BEAN1: variants seen among roughly 807,000 people sequenced by gnomAD.
BEAN1 encodes protein BEAN1.
BEAN1 carries 17 observed loss-of-function variants against 17.7 expected under a neutral mutation model. That is an observed-to-expected ratio of 0.96 (90% CI 0.66 to 1.44). The LOEUF (loss-of-function observed/expected upper bound fraction) is 1.44, where lower values mean the gene tolerates loss of function less well. Ranked by LOEUF, BEAN1 falls within the 40% of genes most tolerant of loss-of-function variation. BEAN1 has a pLI of 0.00. For synonymous variants in BEAN1, 142 were observed against 151.8 expected, an observed-to-expected ratio of 0.94 and a Z score of 0.47; for missense variants, 359 against 374.1, an observed-to-expected ratio of 0.96 and a Z score of 0.33.
At chr16:66,453,048 T>A (rs1382133710) in intron 2 of BEAN1, among the ~76,000 whole-genome samples, 1 of 152,152 alleles carries the variant, frequency 6.6e-6, no homozygotes, top group Non-Finnish European at 1.5e-5. Context: ...AAATTTTATC[T>A]TTTCAAAAAA....
chr16:66,442,717 C>A (rs1315625414), intron 2 of BEAN1, among the ~76,000 whole-genome samples: 1 of 152,200 alleles, frequency 6.6e-6, no homozygotes, highest in Non-Finnish European at 1.5e-5. Context: ...ATAACAATAG[C>A]ACCCTTTTGG....
chr16:66,464,372 C>T (rs1458882098), intron 2 of BEAN1, among the ~76,000 whole-genome samples: 7 of 151,844 alleles, frequency 4.6e-5, no homozygotes, highest in African/African-American at 7.2e-5. Context: ...GACAGAGTCT[C>T]GCTCTGTCAC....
chr16:66,467,419 A>G (rs756497147), intron 2 of BEAN1, among the ~76,000 whole-genome samples: 7 of 152,164 alleles, frequency 4.6e-5, no homozygotes, highest in Non-Finnish European at 1.0e-4. Flanking sequence ...TAGGAGAGAG[A>G]ATGAGTACAA....
chr16:66,459,715 C>A (rs1963011140), intron 2 of BEAN1, among the ~76,000 whole-genome samples: 1 of 152,182 alleles, frequency 6.6e-6, no homozygotes, highest in African/African-American at 2.4e-5. Context: ...TTCTCTCCAG[C>A]CTCCTCCTCT....
At chr16:66,463,959 A>G (rs1045288303) in intron 2 of BEAN1, among the ~76,000 whole-genome samples, 3 of 152,092 alleles carry the variant, frequency 2.0e-5, no homozygotes, top group African/African-American at 7.2e-5. Flanking sequence ...CTGTTTCTCA[A>G]CTCTCAATTC....
intron 4 of BEAN1, among the ~76,000 whole-genome samples, chr16:66,478,368 C>G (rs868355053): frequency 2.0e-5 from 3 of 152,316 alleles, no homozygotes; most frequent in Middle Eastern, 6.8e-3. Flanking sequence ...CTTTGGGAGG[C>G]TGAGGTGGGG....
chr16:66,486,007 A>G (rs1964083895), downstream of BEAN1: 1 of 152,234 alleles, frequency 6.6e-6, no homozygotes, highest in Non-Finnish European at 1.5e-5. Context: ...CAGGTATGTC[A>G]TCTCTCTCTG....
chr16:66,444,984 T>C (rs181253113), intron 2 of BEAN1, among the ~76,000 whole-genome samples: 1 of 152,306 alleles, frequency 6.6e-6, no homozygotes, highest in African/African-American at 2.4e-5. Context: ...TCCTCTTCCA[T>C]TCATTTATTC....
intron 3 of BEAN1, among the ~76,000 whole-genome samples, chr16:66,474,575 AG>A (rs1336480257): frequency 4.3e-5 from 2 of 46,566 alleles, no homozygotes. Flanking sequence ...GGAGAGAGGG[AG>A]GGAGAGAGGG....
At chr16:66,470,054 G>A (rs989931330) in intron 3 of BEAN1, 189 bp downstream of exon 3, 6 of 771,320 alleles carry the variant, frequency 7.8e-6, no homozygotes, top group South Asian at 1.9e-5. Flanking sequence ...TGAGAGGCCC[G>A]GATGACTGCT....
In BEAN1 at chr16:66,469,834, G is replaced by A. The variant is rs1334888170; in HGVS notation, c.258G>A (p.Arg86=). 1.3e-6 allele frequency: 2 copies of A among 1,517,416 alleles called. No homozygotes were observed. The highest frequency in any genetic ancestry group is 2.0e-5 in the Admixed American group (1 of 49,528). The allele number at this position is 1,517,416 out of a possible 1,614,324, so 94.0% of individuals were successfully genotyped here. Residue 86 remains arginine (R), a synonymous_variant, in exon 3 of 5, where the codon CGG becomes CGA. Coordinates refer to ENST00000536005, the MANE Select transcript of BEAN1 (RefSeq NM_001178020.3). ...RHHHHHHHHR[R]RRHREYEHGY... ...ACCACCACCATCATCACCACCGCCG[G>A]CGTCGACACCGAGAGTACGAGCACG... is the stretch of plus-strand genomic sequence containing the variant.
At chr16:66,495,119 G>A (rs1036002863), downstream of BEAN1, among the ~76,000 whole-genome samples, 5 of 152,170 alleles carry the variant, frequency 3.3e-5, no homozygotes, top group Non-Finnish European at 5.9e-5. Flanking sequence ...ACCAAGGGGG[G>A]GCCTCAGGCT....
chr16:66,488,612 T>C (rs1226497874), intron 4 of BEAN1, among the ~76,000 whole-genome samples: 4 of 151,232 alleles, frequency 2.6e-5, no homozygotes, highest in Non-Finnish European at 4.4e-5. Context: ...GACAGGAGGA[T>C]TGTTTGAGCC....
At chr16:66,480,563 T>G in intron 4 of BEAN1, 23 bp from the exon 5 acceptor site, 1 of 1,499,858 alleles carries the variant, frequency 6.7e-7, no homozygotes, top group East Asian at 2.5e-5. Flanking sequence ...GGTGGGGCAC[T>G]GAGGGAGCCT....
intron 4 of BEAN1, among the ~76,000 whole-genome samples, chr16:66,487,967 A>G (rs1417497570): frequency 6.6e-6 from 1 of 152,076 alleles, no homozygotes; most frequent in Non-Finnish European, 1.5e-5. Flanking sequence ...ACCAAATCCA[A>G]CTGTTGAAGG....
intron 2 of BEAN1, among the ~76,000 whole-genome samples, chr16:66,463,982 T>C (rs1963177574): frequency 6.6e-6 from 1 of 152,204 alleles, no homozygotes. Context: ...GTCCATTTAT[T>C]TATATGTCTA....
At chr16:66,477,464 A>C in intron 3 of BEAN1, 96 bp from the exon 4 acceptor site, 1 of 1,289,382 alleles carries the variant, frequency 7.8e-7, no homozygotes, top group Non-Finnish European at 1.0e-6. Flanking sequence ...CAGGTGGGGA[A>C]TCAGAGCCTC....
At chr16:66,448,096 T>C (rs1596997394) in intron 2 of BEAN1, among the ~76,000 whole-genome samples, 1 of 152,042 alleles carries the variant, frequency 6.6e-6, no homozygotes, top group Non-Finnish European at 1.5e-5. Context: ...AGCAAAACTT[T>C]CCCCTCCTGC....
intron 2 of BEAN1, among the ~76,000 whole-genome samples, chr16:66,439,592 C>A (rs1027907582): frequency 7.1e-6 from 1 of 141,276 alleles, no homozygotes; most frequent in African/African-American, 2.5e-5. Flanking sequence ...TGCATATCCA[C>A]CTCCTGAGGA....
Sources: allele counts gnomAD v4.1 joint callset (sites outside exome capture counted in the v4.1 genomes callset), GRCh38; gene constraint gnomAD v4.1.1; transcripts MANE v1.5; gene names NCBI Gene and HGNC (gene_info 2026-07-23, HGNC 2026-07-21).